RCC1L: variants seen among roughly 807,000 people sequenced by gnomAD.
RCC1L encodes the protein RCC1 like.
In RCC1L, 46 loss-of-function variants were observed where a neutral mutation model predicts 58.6. The ratio of observed to expected loss-of-function variants is 0.79; its 90% CI spans 0.62 to 1.00. The LOEUF is 1.00. Among genes scored for constraint, RCC1L ranks in the 50% least tolerant of loss-of-function variants. The pLI, the probability that RCC1L is intolerant of heterozygous loss-of-function variation, is 0.00. For synonymous variants in RCC1L, 281 were observed against 262.9 expected (o/e 1.07, Z -0.67); for missense variants, 636 against 623.6 (o/e 1.02, Z -0.21).
chr7:75,052,738 G>A lies in RCC1L; in HGVS notation c.1290C>T (p.Arg430=), dbSNP rs1313887000. Residue 430 remains arginine, a synonymous_variant, in exon 10 of 11, where the codon CGC becomes CGT. Transcript: ENST00000610322. ...TCCATGGGAAATACTGGTCCTCCAG[G>A]CGACCGATTCCCAGGCACCCTCGGA... ...KNIRGCLGIG[R]LEDQYFPWRV... 1.9e-6 allele frequency: 3 copies of A among 1,612,912 alleles called. No homozygotes were observed. The African/African-American group carries it at 4.0e-5, about 22-fold the overall frequency.
rs1480147656 is a variant in RCC1L at position 75,061,428 on chromosome 7, A to G, written c.703-137T>C. 2.4e-5 allele frequency: 18 copies of G among 754,990 alleles called. No individual in the cohort carries two copies. In the Middle Eastern group the frequency reaches 7.2e-4, roughly 30 times the overall value. 46.8% of individuals were successfully genotyped at this position (754,990 alleles called of 1,614,324 possible). Reference sequence around the variant, plus strand: ...GGTCCAGGCAGACTGCTCCATGCTCATCTTACTCCTTCTCAATCTACCAGT... The same window carrying G: ...GGTCCAGGCAGACTGCTCCATGCTCGTCTTACTCCTTCTCAATCTACCAGT... On this transcript the variant is annotated intron_variant, in intron 5 of 10. Coordinates refer to ENST00000610322, the MANE Select transcript of RCC1L (RefSeq NM_030798.5).
downstream of RCC1L, among the ~76,000 whole-genome samples, chr7:75,038,919 G>A (rs937347194): frequency 2.0e-4 from 30 of 152,316 alleles, no homozygotes; most frequent in East Asian, 5.6e-3. Context: ...AGGTCAAAGA[G>A]TGGAGTAGGG....
At chr7:75,054,351 C>T (rs978313514) in intron 9 of RCC1L, among the ~76,000 whole-genome samples, 8 of 152,148 alleles carry the variant, frequency 5.3e-5, no homozygotes, top group Non-Finnish European at 1.2e-4. Context: ...TGTCTACCAA[C>T]AGGCAGTAAC....
intron 6 of RCC1L, among the ~76,000 whole-genome samples, chr7:75,060,634 G>A (rs1584499600): frequency 1.3e-5 from 2 of 151,964 alleles, no homozygotes; most frequent in South Asian, 2.1e-4. Flanking sequence ...TTTCGCCATG[G>A]TGGCCAAGCT....
chr7:75,057,738 T>C (rs1484459812), intron 7 of RCC1L, 122 bp from the exon 8 acceptor site: 15 of 862,466 alleles, frequency 1.7e-5, no homozygotes, highest in Admixed American at 1.4e-4. Flanking sequence ...AGATACTTCC[T>C]GAACATCACA....
chr7:75,031,054 T>C (rs1346454751), intron 10 of RCC1L, among the ~76,000 whole-genome samples: 3 of 152,250 alleles, frequency 2.0e-5, no homozygotes, highest in African/African-American at 4.8e-5. Flanking sequence ...AGTTTACCTG[T>C]ATTCAGAAGA....
At chr7:75,028,384 G>A (rs1188256066) in intron 10 of RCC1L, among the ~76,000 whole-genome samples, 2 of 152,152 alleles carry the variant, frequency 1.3e-5, no homozygotes, top group Non-Finnish European at 2.9e-5. Flanking sequence ...GCCTCCCGAA[G>A]TGCTGGGATT....
chr7:75,027,899 C>T, exon 11 of RCC1L: 1 of 1,011,054 alleles, frequency 9.9e-7, no homozygotes, highest in Non-Finnish European at 1.5e-6. Flanking sequence ...CCCCAGCTAT[C>T]TCCTGGTCTG....
In RCC1L at chr7:75,061,392, A is replaced by G. The variant is rs990747386; in HGVS notation, c.703-101T>C. The G allele has an allele frequency of 3.6e-3, 3,497 of 959,068 alleles. 74 individuals are homozygous for G. The African/African-American group carries it at 0.046, about 13-fold the overall frequency. The allele number at this position is 959,068 out of a possible 1,614,324, so 59.4% of individuals were successfully genotyped here. On this transcript the variant is annotated intron_variant, in intron 5 of 10. Coordinates refer to ENST00000610322, the MANE Select transcript of RCC1L (RefSeq NM_030798.5). ...GCACCATCGCCTGCCGCTCCTGGGC[A>G]CCTGGAGCATGGTCCAGGCAGACTG...
In RCC1L at chr7:75,058,770, C is replaced by T. The variant is rs1392794207; in HGVS notation, c.788-1G>A. On this transcript the variant is annotated splice_acceptor_variant, in intron 6 of 10. Transcript: ENST00000610322. LOFTEE classifies it high-confidence loss of function. ...CTGGTGATATTGTAGTGACCCAGAC[C>T]TAACACAGTGGAAAATACAGATTTT... is the stretch of plus-strand genomic sequence containing the variant. The T allele has an allele frequency of 2.0e-5, 33 of 1,613,850 alleles. No homozygotes were observed. The highest frequency in any genetic ancestry group is 2.8e-5 in the Non-Finnish European group (33 of 1,179,858).
At chr7:75,028,224 G>T in intron 10 of RCC1L, 1 of 756,814 alleles carries the variant, frequency 1.3e-6, no homozygotes, top group Non-Finnish European at 2.1e-6. Context: ...GGGTTCAAGC[G>T]AGTCTCCTAC....
chr7:75,069,701 A>G (rs782266327), intron 2 of RCC1L, among the ~76,000 whole-genome samples: 5 of 151,882 alleles, frequency 3.3e-5, no homozygotes, highest in Non-Finnish European at 4.4e-5. Context: ...AGCTGGGACT[A>G]TACAGGTGCG....
At chr7:75,038,989 C>T (rs965724005), downstream of RCC1L, among the ~76,000 whole-genome samples, 286 of 152,330 alleles carry the variant, frequency 1.9e-3, 1 homozygote, top group African/African-American at 4.1e-3. Flanking sequence ...AACAGGCGCG[C>T]GTCACCACGT....
intron 9 of RCC1L, chr7:75,055,603 G>C (rs587613093): frequency 9.5e-6 from 4 of 419,180 alleles, no homozygotes; most frequent in Admixed American, 3.6e-5. Flanking sequence ...TCCAGCACCC[G>C]ACGTACTAGC....
At chr7:75,027,995 A>G in exon 11 of RCC1L, 1 of 1,531,898 alleles carries the variant, frequency 6.5e-7, no homozygotes, top group South Asian at 1.2e-5. Flanking sequence ...GTTGCATGGA[A>G]CTCCTTACCT....
intron 6 of RCC1L, among the ~76,000 whole-genome samples, chr7:75,059,912 C>T (rs926870293): frequency 4.5e-4 from 69 of 152,272 alleles, no homozygotes; most frequent in African/African-American, 1.6e-3. Context: ...AGGCGCCCGC[C>T]ACCATGCCCA....
downstream of RCC1L, among the ~76,000 whole-genome samples, chr7:75,037,978 C>T (rs982257699): frequency 6.6e-6 from 1 of 152,180 alleles, no homozygotes; most frequent in Non-Finnish European, 1.5e-5. Flanking sequence ...GAATTCGGAA[C>T]CCTTGGTTGG....
intron 5 of RCC1L, 80 bp downstream of exon 5, chr7:75,063,212 T>C (rs1297396977): frequency 2.1e-6 from 3 of 1,454,744 alleles, no homozygotes; most frequent in Non-Finnish European, 2.9e-6. Context: ...CTAACAAATT[T>C]GCCATCACCC....
At position 75,059,015 on chromosome 7, in the gene RCC1L, TAA is replaced by T. The variant is rs1197804891; in HGVS notation, c.788-248_788-247del. Among the ~76,000 whole-genome samples the T allele has an allele frequency of 2.9e-3, 382 of 133,348 alleles. 5 individuals carry two copies. The highest frequency in any genetic ancestry group is 9.8e-3 in the African/African-American group (349 of 35,648). The allele number at this position is 133,348 out of a possible 152,430, so 87.5% of individuals were successfully genotyped here. A position where few individuals can be genotyped will look rare whatever the true frequency, so the allele number is the denominator to read the frequency against. On this transcript the variant is annotated intron_variant, in intron 6 of 10. Transcript: ENST00000610322. ...AACATGGCGAAACCCTGTCTCTACT[TAA>T]AAAAAAAAAAAAAAATTACAAAAAA...
Sources: allele counts gnomAD v4.1 joint callset (sites outside exome capture counted in the v4.1 genomes callset), GRCh38; gene constraint gnomAD v4.1.1; transcripts MANE v1.5; gene names NCBI Gene and HGNC (gene_info 2026-07-23, HGNC 2026-07-21).